Variants in PTPRD observed in about 807,000 individuals in gnomAD.
The protein encoded by PTPRD is receptor-type tyrosine-protein phosphatase delta.
Under a neutral mutation model 214.5 loss-of-function variants are expected in PTPRD, and 34 were observed. The observed-to-expected ratio is 0.16, with a 90% CI of 0.12 to 0.21. The LOEUF (loss-of-function observed/expected upper bound fraction) is 0.21. Among genes scored for constraint, PTPRD ranks in the 10% least tolerant of loss-of-function variants. PTPRD has a pLI of 1.00. For missense variants in PTPRD, 2,545 were observed against 2,398.7 expected (o/e 1.06, Z -1.27); for synonymous variants, 1,128 against 845.7 (o/e 1.33, Z -5.79).
chr9:8,978,377 A>G (rs1268346159), intron 11 of PTPRD, among the ~76,000 whole-genome samples: 2 of 152,032 alleles, frequency 1.3e-5, no homozygotes. Flanking sequence ...CCACCGTTGT[A>G]CTTTGTAAAG....
chr9:10,220,417 G>A (rs1009400323), intron 3 of PTPRD, among the ~76,000 whole-genome samples: 17 of 151,816 alleles, frequency 1.1e-4, no homozygotes, highest in African/African-American at 3.9e-4. Context: ...ACTTTACATA[G>A]TAGTTGGTGG....
At chr9:8,914,429 C>A (rs1196961745) in intron 11 of PTPRD, among the ~76,000 whole-genome samples, 3 of 152,080 alleles carry the variant, frequency 2.0e-5, no homozygotes, top group African/African-American at 7.2e-5. Context: ...GATTGCAGAA[C>A]TGAAGCAAGT....
chr9:9,491,642 G>T (rs1243801843), intron 8 of PTPRD, among the ~76,000 whole-genome samples: 1 of 151,848 alleles, frequency 6.6e-6, no homozygotes, highest in Non-Finnish European at 1.5e-5. Context: ...AAGTAAAACT[G>T]GAAAAGCCAC....
At chr9:8,875,838 C>T (rs527966452) in intron 11 of PTPRD, among the ~76,000 whole-genome samples, 1 of 152,238 alleles carries the variant, frequency 6.6e-6, no homozygotes, top group East Asian at 1.9e-4. Flanking sequence ...TATGCCTTAA[C>T]TTCTCTGAGC....
chr9:9,924,780 G>C (rs2153891172), intron 5 of PTPRD, among the ~76,000 whole-genome samples: 1 of 152,108 alleles, frequency 6.6e-6, no homozygotes, highest in East Asian at 1.9e-4. Context: ...ACAGATACTT[G>C]AAAGCTAAAG....
At chr9:8,593,848 G>T (rs901303307) in intron 14 of PTPRD, among the ~76,000 whole-genome samples, 1 of 152,132 alleles carries the variant, frequency 6.6e-6, no homozygotes, top group Non-Finnish European at 1.5e-5. Flanking sequence ...GATACAACAT[G>T]ATTAAAGAGA....
At chr9:8,980,322 G>A (rs2099303991) in intron 11 of PTPRD, among the ~76,000 whole-genome samples, 1 of 151,918 alleles carries the variant, frequency 6.6e-6, no homozygotes, top group Non-Finnish European at 1.5e-5. Flanking sequence ...TTTACAACAT[G>A]TGGACTAAAG....
intron 9 of PTPRD, among the ~76,000 whole-genome samples, chr9:9,203,236 C>T (rs958606613): frequency 6.6e-6 from 1 of 152,002 alleles, no homozygotes; most frequent in Non-Finnish European, 1.5e-5. Context: ...ATCAGACACA[C>T]ACACACACAC....
At chr9:9,459,213 A>T (rs1010298068) in intron 8 of PTPRD, among the ~76,000 whole-genome samples, 1 of 152,064 alleles carries the variant, frequency 6.6e-6, no homozygotes, top group African/African-American at 2.4e-5. Context: ...GCCACCACAC[A>T]AAAGCTATCA....
At chr9:8,970,712 T>C (rs1414058918) in intron 11 of PTPRD, among the ~76,000 whole-genome samples, 2 of 151,778 alleles carry the variant, frequency 1.3e-5, no homozygotes, top group Admixed American at 1.3e-4. Flanking sequence ...CCTTAGAAAC[T>C]CTTTCAAAAC....
At chr9:10,208,489 G>A (rs1259075472) in intron 3 of PTPRD, among the ~76,000 whole-genome samples, 1 of 152,232 alleles carries the variant, frequency 6.6e-6, no homozygotes, top group Non-Finnish European at 1.5e-5. Context: ...ACTCCAGCCT[G>A]GGCGACAGAG....
chr9:9,896,549 A>G (rs2075027998), intron 5 of PTPRD, among the ~76,000 whole-genome samples: 1 of 152,062 alleles, frequency 6.6e-6, no homozygotes, highest in South Asian at 2.1e-4. Context: ...GAAAAAATCT[A>G]CAATGATTGG....
At chr9:9,297,709 G>C (rs777151689) in intron 9 of PTPRD, among the ~76,000 whole-genome samples, 1 of 151,566 alleles carries the variant, frequency 6.6e-6, no homozygotes, top group Non-Finnish European at 1.5e-5. Context: ...GTTGGTTAAG[G>C]AGATTAAGAA....
chr9:10,269,902 A>C (rs2094322062), intron 3 of PTPRD, among the ~76,000 whole-genome samples: 1 of 152,174 alleles, frequency 6.6e-6, no homozygotes, highest in Admixed American at 6.5e-5. Flanking sequence ...AGTAAACGTT[A>C]AATTTGACAT....
intron 25 of PTPRD, among the ~76,000 whole-genome samples, chr9:8,498,434 C>T (rs1238302621): frequency 2.0e-5 from 3 of 152,064 alleles, no homozygotes; most frequent in Admixed American, 6.5e-5. Flanking sequence ...TGTGCCGCCA[C>T]GCCTGGCTAA....
At chr9:10,119,695 G>T (rs1298550830) in intron 3 of PTPRD, among the ~76,000 whole-genome samples, 5 of 151,918 alleles carry the variant, frequency 3.3e-5, no homozygotes, top group Non-Finnish European at 7.4e-5. Context: ...AAAAGTAGAT[G>T]CAAAACTGAT....
chr9:9,010,782 T>G (rs1057226380), intron 11 of PTPRD, among the ~76,000 whole-genome samples: 1 of 152,122 alleles, frequency 6.6e-6, no homozygotes, highest in Admixed American at 6.5e-5. Flanking sequence ...TCTTTTTGAG[T>G]GTGCCATCAG....
chr9:9,657,684 A>T (rs926440331), intron 7 of PTPRD, among the ~76,000 whole-genome samples: 1 of 152,234 alleles, frequency 6.6e-6, no homozygotes, highest in African/African-American at 2.4e-5. Context: ...TGTTTTTATT[A>T]TTGGCAGAAT....
intron 11 of PTPRD, among the ~76,000 whole-genome samples, chr9:8,763,625 A>C (rs2094536864): frequency 6.6e-6 from 1 of 151,544 alleles, no homozygotes; most frequent in African/African-American, 2.4e-5. Context: ...TTTTGTTTTG[A>C]AAAACAGGAA....
Sources: allele counts gnomAD v4.1 joint callset (sites outside exome capture counted in the v4.1 genomes callset), GRCh38; gene constraint gnomAD v4.1.1; transcripts MANE v1.5; gene names NCBI Gene and HGNC (gene_info 2026-07-23, HGNC 2026-07-21).